The following GRID1 variants were observed in gnomAD, a reference collection of about 807,000 sequenced individuals.
The protein encoded by GRID1 is glutamate receptor ionotropic, delta-1.
A neutral mutation model predicts 98.0 loss-of-function variants in GRID1; 28 were observed. That is an observed-to-expected ratio of 0.29 (90% confidence interval 0.21 to 0.39). GRID1 has a LOEUF of 0.39. Among genes scored for constraint, GRID1 ranks in the 10% least tolerant of loss-of-function variants. GRID1 has a pLI of 1.00. For synonymous variants in GRID1, 553 were observed against 538.5 expected (o/e 1.03, Z -0.37); for missense variants, 1,111 against 1,340.5 (o/e 0.83, Z 2.67).
At chr10:85,892,648 G>GA (rs932891179) in intron 5 of GRID1, among the ~76,000 whole-genome samples, 104 of 151,474 alleles carry the variant, frequency 6.9e-4, no homozygotes, top group African/African-American at 2.2e-3. Flanking sequence ...AAATCTTCAG[G>GA]AAAAAAAGAT....
At chr10:85,669,555 C>T (rs555418760) in intron 12 of GRID1, among the ~76,000 whole-genome samples, 61 of 152,274 alleles carry the variant, frequency 4.0e-4, no homozygotes, top group Middle Eastern at 6.8e-3. Flanking sequence ...ACACCCTCAC[C>T]CTGGCTCCGG....
At chr10:86,220,626 G>T (rs538830730) in intron 2 of GRID1, among the ~76,000 whole-genome samples, 1 of 152,196 alleles carries the variant, frequency 6.6e-6, no homozygotes, top group Non-Finnish European at 1.5e-5. Context: ...TCTGCTCATC[G>T]GTGCCATCTC....
At chr10:85,816,210 T>C (rs1842714786) in intron 8 of GRID1, among the ~76,000 whole-genome samples, 1 of 152,156 alleles carries the variant, frequency 6.6e-6, no homozygotes, top group Non-Finnish European at 1.5e-5. Context: ...TACTTTTACA[T>C]AAATATCTTT....
intron 2 of GRID1, among the ~76,000 whole-genome samples, chr10:86,287,359 A>G (rs78898058): frequency 0.026 from 3,939 of 152,322 alleles, 56 homozygotes; most frequent in Middle Eastern, 0.051. Context: ...AGAGATAATC[A>G]GGGGAGAGCC....
At position 85,856,003 on chromosome 10, in the gene GRID1, G is replaced by T. The variant is rs1203480603; in HGVS notation, c.1113+26C>A. 2.5e-6 allele frequency: 4 copies of T among 1,609,812 alleles called. No individual in the cohort carries two copies. In the African/African-American group the frequency reaches 5.3e-5, roughly 22 times the overall value. ...ATAAGAAGGGGCCTGTCTTTGGCCA[G>T]GTTGGGGGTGCCCCCTCACACGTAC... is the stretch of plus-strand genomic sequence containing the variant. On this transcript the variant is annotated intron_variant, in intron 7 of 15. Coordinates refer to ENST00000327946, the MANE Select transcript of GRID1 (RefSeq NM_017551.3).
At chr10:86,164,976 T>C (rs1845377580) in intron 3 of GRID1, among the ~76,000 whole-genome samples, 1 of 152,020 alleles carries the variant, frequency 6.6e-6, no homozygotes, top group Admixed American at 6.5e-5. Flanking sequence ...CAAAGAACAG[T>C]GGACAGAAGC....
At chr10:85,897,348 G>C (rs553982508) in intron 5 of GRID1, among the ~76,000 whole-genome samples, 74 of 152,278 alleles carry the variant, frequency 4.9e-4, no homozygotes, top group African/African-American at 1.8e-3. Context: ...CTGTCATAAT[G>C]GTTGGCTGGG....
At chr10:86,312,575 G>A (rs1847845482) in intron 2 of GRID1, among the ~76,000 whole-genome samples, 1 of 152,362 alleles carries the variant, frequency 6.6e-6, no homozygotes, top group Admixed American at 6.5e-5. Flanking sequence ...GAAGCAGTGG[G>A]TGCCATGGAA....
chr10:85,700,283 G>A (rs1461060997), intron 12 of GRID1, among the ~76,000 whole-genome samples: 13 of 152,140 alleles, frequency 8.5e-5, no homozygotes, highest in African/African-American at 3.1e-4. Context: ...AAACAGACAG[G>A]TTAAGTGATT....
chr10:86,249,971 GGATA>G (rs1846794444), intron 2 of GRID1, among the ~76,000 whole-genome samples: 1 of 151,864 alleles, frequency 6.6e-6, no homozygotes, highest in African/African-American at 2.4e-5. Flanking sequence ...GGGGGTGGGT[GGATA>G]GATGGATGGA....
chr10:85,917,353 TA>T (rs201156384), intron 4 of GRID1, among the ~76,000 whole-genome samples: 20 of 151,890 alleles, frequency 1.3e-4, no homozygotes, highest in African/African-American at 1.9e-4. Context: ...CCCATCCCAT[TA>T]AAAAAAATAT....
chr10:85,689,342 T>A (rs898141940), intron 12 of GRID1, among the ~76,000 whole-genome samples: 2 of 152,024 alleles, frequency 1.3e-5, no homozygotes, highest in Non-Finnish European at 2.9e-5. Flanking sequence ...AAATTGAAAT[T>A]GCTCAAATGA....
At chr10:86,156,420 G>A (rs554900589) in intron 3 of GRID1, among the ~76,000 whole-genome samples, 6 of 152,280 alleles carry the variant, frequency 3.9e-5, no homozygotes, top group African/African-American at 1.4e-4. Context: ...GTAACTAAGA[G>A]AAGAGGGATG....
Position 85,677,788 on chromosome 10 carries a change from AT to A in GRID1, c.1998-30392del, listed in dbSNP as rs541308133. 2.1e-3 allele frequency among the ~76,000 whole-genome samples: 314 copies of A among 152,316 alleles called. 1 individual carries two copies. Among genetic ancestry groups the A allele is most frequent in the Non-Finnish European group, 2.1e-3 (146 of 68,032 alleles). On this transcript the variant is annotated intron_variant, in intron 12 of 15. Transcript: ENST00000327946. ...GTGAAAAGAGGAGTGTTGAAGGAAA[AT>A]AACCTCTAAGAATATTCACGGAAGT... is the stretch of plus-strand genomic sequence containing the variant.
At chr10:86,149,849 T>C (rs994866952) in intron 3 of GRID1, among the ~76,000 whole-genome samples, 2 of 152,244 alleles carry the variant, frequency 1.3e-5, no homozygotes, top group Admixed American at 6.5e-5. Context: ...TCTTTCATGT[T>C]TCAAATCTCT....
At chr10:85,958,564 G>A (rs1842223742) in intron 4 of GRID1, among the ~76,000 whole-genome samples, 1 of 152,150 alleles carries the variant, frequency 6.6e-6, no homozygotes, top group South Asian at 2.1e-4. Context: ...GGGTGTTTCT[G>A]GATGAGATTA....
chr10:86,118,651 G>A (rs1024749301), intron 4 of GRID1, among the ~76,000 whole-genome samples: 4 of 152,124 alleles, frequency 2.6e-5, no homozygotes, highest in Admixed American at 6.5e-5. Flanking sequence ...CAGCATGGGG[G>A]AACAAAGGGT....
At chr10:86,052,852 C>G (rs1420238091) in intron 4 of GRID1, among the ~76,000 whole-genome samples, 2 of 152,214 alleles carry the variant, frequency 1.3e-5, no homozygotes, top group African/African-American at 4.8e-5. Context: ...TGTATGTGCA[C>G]ACATATGCAG....
intron 7 of GRID1, among the ~76,000 whole-genome samples, chr10:85,855,577 C>G (rs758735706): frequency 1.3e-5 from 2 of 152,232 alleles, no homozygotes; most frequent in Non-Finnish European, 2.9e-5. Context: ...TGAATTCACT[C>G]TAACAAATCA....
Sources: gnomAD v4.1 joint callset for allele counts (sites outside exome capture counted in the v4.1 genomes callset) on GRCh38, gnomAD v4.1.1 for gene constraint, MANE v1.5 for transcripts, NCBI Gene and HGNC (gene_info 2026-07-23, HGNC 2026-07-21) for gene names.